The following IQGAP1 variants were observed in gnomAD, a reference collection of about 807,000 sequenced individuals.
The protein encoded by IQGAP1 is IQ motif containing GTPase activating protein 1, also known as ras GTPase-activating-like protein IQGAP1.
Under a neutral mutation model 215.6 loss-of-function variants are expected in IQGAP1, and 66 were observed. That is an observed-to-expected ratio of 0.31 (90% CI 0.25 to 0.38). The LOEUF (loss-of-function observed/expected upper bound fraction) is 0.38, where lower values mean the gene tolerates loss of function less well. Ranked by LOEUF, IQGAP1 falls within the 10% of genes least tolerant of loss-of-function variation. The pLI is 1.00. For missense variants in IQGAP1, 1,712 were observed against 1,997.1 expected, an observed-to-expected ratio of 0.86 and a Z score of 2.72; for synonymous variants, 772 against 728.7, an observed-to-expected ratio of 1.06 and a Z score of -0.96.
At chr15:90,443,291 C>G in intron 8 of IQGAP1, 103 bp from the exon 9 acceptor site, 1 of 692,556 alleles carries the variant, frequency 1.4e-6, no homozygotes, top group Non-Finnish European at 2.6e-6. Flanking sequence ...AAGCTACACC[C>G]ATATTCTTGG....
At position 90,502,187 on chromosome 15, in the gene IQGAP1, G is replaced by T. The variant is rs3539; in HGVS notation, c.*2079G>T. 0.44 allele frequency: 67,017 copies of T among 152,564 alleles called. 16,153 individuals are homozygous for T. Among genetic ancestry groups the T allele is most frequent in the Non-Finnish European group, 0.55 (37,225 of 68,006 alleles). 9.5% of individuals were successfully genotyped at this position (152,564 alleles called of 1,614,324 possible). A position where few individuals can be genotyped will look rare whatever the true frequency, so the allele number is the denominator to read the frequency against. ...AGTTTGGACTGCCCGTCAGATTGTTGCTGCACATAGTTGCCTTTGTATCTC... is the reference window on the plus strand; with the variant it reads ...AGTTTGGACTGCCCGTCAGATTGTTTCTGCACATAGTTGCCTTTGTATCTC... On this transcript the variant is annotated 3_prime_UTR_variant, in exon 38 of 38. Transcript: ENST00000268182.
intron 7 of IQGAP1, among the ~76,000 whole-genome samples, chr15:90,440,990 C>CCAGCTA (rs1270203893): frequency 1.3e-5 from 2 of 151,972 alleles, no homozygotes; most frequent in African/African-American, 4.8e-5. Context: ...ACCTGTAATC[C>CCAGCTA]CAGCTACTCG....
In IQGAP1 at chr15:90,483,430, A is replaced by G; in HGVS notation, c.3625A>G (p.Ile1209Val). The change falls in exon 29 of 38, where the codon ATT (isoleucine) becomes GTT (valine). Residue 1209 changes from isoleucine to valine, a missense_variant. Physicochemically the swap from Ile to Val is conservative, Grantham distance 29. Transcript: ENST00000268182. ...AIVAPDAFDIIDLSAGGQLTT... is the reference protein window; with the variant it reads ...AIVAPDAFDIVDLSAGGQLTT... Reference sequence around the variant, plus strand: ...TGTTGCTCCTGATGCCTTTGACATCATTGACCTGTCAGCAGGAGGCCAGCT... The same window carrying G: ...TGTTGCTCCTGATGCCTTTGACATCGTTGACCTGTCAGCAGGAGGCCAGCT... The G allele has an allele frequency of 6.2e-7, 1 of 1,614,180 alleles. No homozygotes were observed. The highest frequency in any genetic ancestry group is 8.5e-7 in the Non-Finnish European group (1 of 1,180,028).
intron 2 of IQGAP1, among the ~76,000 whole-genome samples, chr15:90,415,707 C>T (rs548966659): frequency 1.7e-4 from 26 of 152,280 alleles, no homozygotes; most frequent in Non-Finnish European, 3.4e-4. Flanking sequence ...GGGGTCAATT[C>T]TACCTTTGTA....
rs532071128 is a variant in IQGAP1, at chr15:90,480,948, G to A, written c.3330-1012G>A. On this transcript the variant is annotated intron_variant, in intron 26 of 37. Coordinates refer to ENST00000268182, the MANE Select transcript of IQGAP1 (RefSeq NM_003870.4). ...CTCCCAAAGTGCTAGGATGACAGGC[G>A]TGAGCCACCACACCCGGCCTCTACT... Among the ~76,000 whole-genome samples, 8 of 152,288 alleles carry A rather than the reference G, an allele frequency of 5.3e-5. No individual in the cohort carries two copies. The South Asian group carries it at 1.7e-3, about 32-fold the overall frequency.
In IQGAP1 at chr15:90,482,119, C is replaced by G. The variant is rs1966067279; in HGVS notation, c.3470+19C>G. 1 of 1,614,092 alleles carries G rather than the reference C, an allele frequency of 6.2e-7. No individual in the cohort carries two copies. Among genetic ancestry groups the G allele is most frequent in the Non-Finnish European group, 8.5e-7 (1 of 1,180,036 alleles). On this transcript the variant is annotated intron_variant, in intron 27 of 37. Coordinates refer to ENST00000268182, the MANE Select transcript of IQGAP1 (RefSeq NM_003870.4). The stretch of plus-strand genomic sequence containing the variant: ...AAATCCCGTGAGTGCCATCAGTTGT[C>G]ATGACCCCCAGTAGAACCCAGCACT...
chr15:90,443,489 TC>T lies in IQGAP1; in HGVS notation c.913+13del, dbSNP rs755453668. ...TAAACAAAGTCAATAGTAAGTATGT[TC>T]CTGAATCAGGCACCTAAAGGGATAT... On this transcript the variant is annotated intron_variant, in intron 9 of 37. Coordinates refer to ENST00000268182, the MANE Select transcript of IQGAP1 (RefSeq NM_003870.4). The T allele has an allele frequency of 6.6e-7, 1 of 1,517,260 alleles. No individual in the cohort carries two copies. 94.0% of individuals were successfully genotyped at this position (1,517,260 alleles called of 1,614,324 possible).
At chr15:90,471,382 A>AG (rs1428697402) in intron 18 of IQGAP1, among the ~76,000 whole-genome samples, 5 of 152,120 alleles carry the variant, frequency 3.3e-5, no homozygotes, top group African/African-American at 1.2e-4. Flanking sequence ...AGTAGGAAGA[A>AG]GGGGAAGGAG....
At chr15:90,483,182 T>G in intron 28 of IQGAP1, 179 bp from the exon 29 acceptor site, 1 of 571,646 alleles carries the variant, frequency 1.7e-6, no homozygotes, top group South Asian at 2.1e-5. Context: ...GATATTTCAT[T>G]TAGTTCCAGG....
At position 90,388,265 on chromosome 15, in the gene IQGAP1, G is replaced by T. The variant is rs535666736; in HGVS notation, c.-77G>T. The stretch of plus-strand genomic sequence containing the variant: ...GGGACCCCGGCAAGCCCGCGCACTT[G>T]GCAGGAGCTGTAGCTACCGCCGTCC... On this transcript the variant is annotated 5_prime_UTR_variant, in exon 1 of 38. Transcript: ENST00000268182. The T allele has an allele frequency of 3.3e-6, 5 of 1,523,750 alleles. No individual in the cohort carries two copies. The South Asian group carries it at 4.6e-5, about 14-fold the overall frequency. 94.4% of individuals were successfully genotyped at this position (1,523,750 alleles called of 1,614,324 possible).
chr15:90,394,869 T>G (rs1477788810), intron 2 of IQGAP1, among the ~76,000 whole-genome samples: 1 of 152,220 alleles, frequency 6.6e-6, no homozygotes, highest in Non-Finnish European at 1.5e-5. Context: ...CTCCATTTTC[T>G]CCTCTGCCTG....
At chr15:90,441,457 A>T in intron 7 of IQGAP1, 49 bp from the exon 8 acceptor site, 1 of 1,497,786 alleles carries the variant, frequency 6.7e-7, no homozygotes, top group African/African-American at 1.4e-5. Flanking sequence ...CCTGTAATCT[A>T]TATAATCTCA....
intron 2 of IQGAP1, among the ~76,000 whole-genome samples, chr15:90,411,214 C>A (rs1964960505): frequency 6.6e-6 from 1 of 152,144 alleles, no homozygotes. Context: ...TATAACTTTT[C>A]TCTTTCCTAA....
chr15:90,402,437 A>G (rs1295782223), intron 2 of IQGAP1, among the ~76,000 whole-genome samples: 1 of 152,176 alleles, frequency 6.6e-6, no homozygotes, highest in Non-Finnish European at 1.5e-5. Flanking sequence ...TACTCAGAAT[A>G]CCTTCCTGTT....
intron 2 of IQGAP1, among the ~76,000 whole-genome samples, chr15:90,398,338 A>G (rs942391416): frequency 1.3e-5 from 2 of 152,182 alleles, no homozygotes; most frequent in Non-Finnish European, 2.9e-5. Context: ...CACCAGAAAC[A>G]GAAGATACTT....
chr15:90,488,983 GTTAA>G (rs1334268476), intron 33 of IQGAP1, among the ~76,000 whole-genome samples: 2 of 152,150 alleles, frequency 1.3e-5, no homozygotes, highest in Non-Finnish European at 2.9e-5. Context: ...TTTAATAAAA[GTTAA>G]TTAATTCAGC....
chr15:90,475,616 G>A (rs963529780), intron 23 of IQGAP1: 2 of 151,814 alleles, frequency 1.3e-5, no homozygotes, highest in Admixed American at 6.6e-5. Context: ...AGCTGGACAT[G>A]GTAGTACATG....
chr15:90,440,366 G>A (rs1236350040), intron 6 of IQGAP1, 136 bp from the exon 7 acceptor site: 1 of 611,894 alleles, frequency 1.6e-6, no homozygotes, highest in African/African-American at 1.9e-5. Flanking sequence ...TCCATACATT[G>A]TATCTTTATA....
chr15:90,440,175 C>G lies in IQGAP1; in HGVS notation c.536-327C>G, dbSNP rs549062284. ...GATAACTGACTTAGTTTGTGATTCA[C>G]TTATTGTTGAGCTCACGTTAAAGCT... is the stretch of plus-strand genomic sequence containing the variant. On this transcript the variant is annotated intron_variant, in intron 6 of 37. Transcript: ENST00000268182. Among the ~76,000 whole-genome samples the G allele has an allele frequency of 3.7e-4, 57 of 152,302 alleles. 1 individual carries two copies. Among genetic ancestry groups the G allele is most frequent in the African/African-American group, 1.3e-3 (54 of 41,552 alleles).
Sources: gnomAD v4.1 joint callset for allele counts (sites outside exome capture counted in the v4.1 genomes callset) on GRCh38, gnomAD v4.1.1 for gene constraint, MANE v1.5 for transcripts, NCBI Gene and HGNC (gene_info 2026-07-23, HGNC 2026-07-21) for gene names.